Variants in SYNJ2 observed in about 807,000 individuals in gnomAD.
The protein encoded by SYNJ2 is synaptojanin 2.
A neutral mutation model predicts 141.3 loss-of-function variants in SYNJ2; 116 were observed. That is an observed-to-expected ratio of 0.82 (90% CI 0.71 to 0.96). The LOEUF (loss-of-function observed/expected upper bound fraction) is 0.96. SYNJ2 is among the 40% of genes least tolerant of loss of function. The probability of loss-of-function intolerance (pLI) is 0.00; values close to 1 mark genes in which losing one functional copy is unlikely to be tolerated. For missense variants in SYNJ2, 1,873 were observed against 1,934.8 expected, an observed-to-expected ratio of 0.97 and a Z score of 0.60; for synonymous variants, 745 against 777.7, an observed-to-expected ratio of 0.96 and a Z score of 0.70.
intron 1 of SYNJ2, among the ~76,000 whole-genome samples, chr6:157,997,457 C>T (rs1018784986): frequency 6.6e-5 from 10 of 152,096 alleles, no homozygotes; most frequent in Non-Finnish European, 1.3e-4. Flanking sequence ...GGGAAGACAG[C>T]CATATGACAA....
intron 1 of SYNJ2, among the ~76,000 whole-genome samples, chr6:157,995,996 C>G (rs1027163405): frequency 6.6e-6 from 1 of 152,210 alleles, no homozygotes; most frequent in African/African-American, 2.4e-5. Context: ...AACATCAACA[C>G]TATAGAGATG....
rs2128388430 is a variant in SYNJ2, at chr6:158,081,303, G to A, written c.2762G>A (p.Ser921Asn). Reference sequence around the variant, plus strand: ...ACTGAGCTCATGCAGACCTTGGGGAGTTATGGGACAATTGTTCTTGTCAGG... The same window carrying A: ...ACTGAGCTCATGCAGACCTTGGGGAATTATGGGACAATTGTTCTTGTCAGG... Reference protein sequence around the residue: ...LRTELMQTLGSYGTIVLVRIN... With the variant: ...LRTELMQTLGNYGTIVLVRIN... The change falls in exon 19 of 27, where the codon AGT (serine) becomes AAT (asparagine). Residue 921 changes from serine to asparagine, a missense_variant. Physicochemically the swap from Ser to Asn is conservative, Grantham distance 46. Transcript: ENST00000355585. 1 of 1,614,204 alleles carries A rather than the reference G, an allele frequency of 6.2e-7. No individual in the cohort carries two copies.
In SYNJ2 at chr6:158,040,569, A is replaced by C. The variant is rs897559994; in HGVS notation, c.712-2747A>C. Among the ~76,000 whole-genome samples, 2 of 152,072 alleles carry C rather than the reference A, an allele frequency of 1.3e-5. No individual in the cohort carries two copies. Among genetic ancestry groups the C allele is most frequent in the Admixed American group, 1.3e-4 (2 of 15,266 alleles). ...AAGGATGTAAGATAAATATTTGGCTATTCAAGATAAGGCCACTGACTCATT... is the reference window on the plus strand; with the variant it reads ...AAGGATGTAAGATAAATATTTGGCTCTTCAAGATAAGGCCACTGACTCATT... On this transcript the variant is annotated intron_variant, in intron 4 of 26. Transcript: ENST00000355585. This position sits in a 1 kb window ranked among gnomAD's most constrained non-coding sequence, Gnocchi z 4.2.
rs1781870209 is a variant in SYNJ2 at position 158,070,785 on chromosome 6, A to G, written c.1941-817A>G. 6.6e-6 allele frequency among the ~76,000 whole-genome samples: 1 copy of G among 152,220 alleles called. No homozygotes were observed. Among genetic ancestry groups the G allele is most frequent in the Non-Finnish European group, 1.5e-5 (1 of 68,040 alleles). ...ATGTTTCTATGGACTCGTATGCGTC[A>G]TAAGTGGGCATTTGAATGCAAGCAG... is the stretch of plus-strand genomic sequence containing the variant. On this transcript the variant is annotated intron_variant, in intron 14 of 26. Transcript: ENST00000355585. The surrounding 1 kb of genome is among the most constrained non-coding windows in gnomAD (Gnocchi z 4.0).
chr6:158,000,896 G>A (rs532153800), intron 1 of SYNJ2, among the ~76,000 whole-genome samples: 16 of 152,116 alleles, frequency 1.1e-4, no homozygotes, highest in South Asian at 6.2e-4. Flanking sequence ...TCTTCCCTCC[G>A]TAGGAGGAAC....
At chr6:158,080,234 G>A (rs1049980618) in intron 18 of SYNJ2, among the ~76,000 whole-genome samples, 24 of 152,104 alleles carry the variant, frequency 1.6e-4, no homozygotes, top group Admixed American at 1.4e-3. Context: ...CAGCACTTTG[G>A]GAGGCTGAGG....
chr6:157,982,149 CG>C lies in SYNJ2; in HGVS notation c.127+64del. On this transcript the variant is annotated intron_variant, in intron 1 of 26. Transcript: ENST00000355585. This position sits in a 1 kb window ranked among gnomAD's most constrained non-coding sequence, Gnocchi z 4.0. ...GAGGGCGCCCGCATTCGCCCAGCCT[CG>C]GGAAGACGGGTACCCCCCCTTCCCG... The C allele has an allele frequency of 7.8e-7, 1 of 1,279,162 alleles. No individual in the cohort carries two copies. 79.2% of individuals were successfully genotyped at this position (1,279,162 alleles called of 1,614,324 possible).
chr6:158,067,505 T>G (rs1781641318), intron 12 of SYNJ2: 1 of 985,366 alleles, frequency 1.0e-6, no homozygotes, highest in South Asian at 4.7e-5. Flanking sequence ...GAACTTAGGA[T>G]CTGAAGAATA....
At chr6:157,983,099 G>A (rs1475573288) in intron 1 of SYNJ2, among the ~76,000 whole-genome samples, 2 of 152,206 alleles carry the variant, frequency 1.3e-5, no homozygotes, top group African/African-American at 4.8e-5. Context: ...CGTACTTGAG[G>A]TGGTCGGCAA....
chr6:158,026,514 AC>A (rs780898010), intron 2 of SYNJ2, among the ~76,000 whole-genome samples: 6 of 150,904 alleles, frequency 4.0e-5, no homozygotes, highest in East Asian at 1.9e-4. Flanking sequence ...ACCACTCCCG[AC>A]CCCCTCCTCC....
rs180947603 is a variant in SYNJ2 at position 157,997,920 on chromosome 6, C to G, written c.127+15832C>G. On this transcript the variant is annotated intron_variant, in intron 1 of 26. Transcript: ENST00000355585. ...GAACAGACTTGTGTGAGCAGTGTTA[C>G]TTTGTTTCTTATAAAGGTGATGACT... Among the ~76,000 whole-genome samples the G allele has an allele frequency of 8.1e-4, 124 of 152,340 alleles. 1 individual carries two copies. Among genetic ancestry groups the G allele is most frequent in the Non-Finnish European group, 2.1e-4 (14 of 68,036 alleles).
chr6:158,013,991 C>CGA (rs1778361976), intron 1 of SYNJ2, among the ~76,000 whole-genome samples: 1 of 152,174 alleles, frequency 6.6e-6, no homozygotes, highest in Non-Finnish European at 1.5e-5. Context: ...TCCTGACTTA[C>CGA]GATGGTTCCT....
At chr6:158,042,111 C>T (rs1779982183) in intron 4 of SYNJ2, among the ~76,000 whole-genome samples, 2 of 152,260 alleles carry the variant, frequency 1.3e-5, no homozygotes, top group Admixed American at 1.3e-4. Context: ...GTTGTATGTA[C>T]CTAATTTCAC....
chr6:158,000,811 G>A (rs908208066), intron 1 of SYNJ2, among the ~76,000 whole-genome samples: 1 of 152,132 alleles, frequency 6.6e-6, no homozygotes, highest in Non-Finnish European at 1.5e-5. Flanking sequence ...CCACTCTGCT[G>A]TCCTTGGGAG....
chr6:158,046,900 C>CA (rs1479248378), intron 5 of SYNJ2, among the ~76,000 whole-genome samples: 2 of 140,830 alleles, frequency 1.4e-5, no homozygotes, highest in Non-Finnish European at 2.9e-5. Context: ...TTCCCCCCAC[C>CA]ATATGCTGTA....
intron 1 of SYNJ2, among the ~76,000 whole-genome samples, chr6:158,002,841 G>C (rs910627525): frequency 3.3e-5 from 5 of 152,216 alleles, no homozygotes; most frequent in African/African-American, 1.2e-4. Flanking sequence ...CCTGTCACTG[G>C]CTCTGCCCGA....
intron 2 of SYNJ2, among the ~76,000 whole-genome samples, chr6:158,018,181 C>T (rs1583325272): frequency 1.3e-5 from 2 of 152,246 alleles, no homozygotes; most frequent in South Asian, 2.1e-4. Flanking sequence ...CTGAGAGACT[C>T]GGGGGTGAGC....
chr6:158,069,861 A>G (rs1339161344), intron 14 of SYNJ2, among the ~76,000 whole-genome samples, 188 bp downstream of exon 14: 1 of 152,248 alleles, frequency 6.6e-6, no homozygotes, highest in Non-Finnish European at 1.5e-5. Context: ...CTAGCGATTA[A>G]AAAGCCACCA....
chr6:158,049,311 C>T (rs2128350247), intron 5 of SYNJ2, among the ~76,000 whole-genome samples: 1 of 152,302 alleles, frequency 6.6e-6, no homozygotes, highest in South Asian at 2.1e-4. Context: ...TCAGCTGCAG[C>T]TCGTGCCTGT....
Sources: gnomAD v4.1 joint callset for allele counts (sites outside exome capture counted in the v4.1 genomes callset) on GRCh38, gnomAD v4.1.1 for gene constraint, Gnocchi (gnomAD v3.1) non-coding constraint, MANE v1.5 for transcripts, NCBI Gene and HGNC (gene_info 2026-07-23, HGNC 2026-07-21) for gene names.